Variants in AGPAT4 observed in about 807,000 individuals in gnomAD.
AGPAT4 encodes 1-acylglycerol-3-phosphate O-acyltransferase 4, also known as 1-acyl-sn-glycerol-3-phosphate acyltransferase delta.
In AGPAT4, 15 loss-of-function variants were observed where a neutral mutation model predicts 48.0. The ratio of observed to expected loss-of-function variants is 0.31; its 90% CI spans 0.21 to 0.48. The LOEUF is 0.48. Ranked by LOEUF, AGPAT4 falls within the 20% of genes least tolerant of loss-of-function variation. The probability of loss-of-function intolerance (pLI) is 0.99; values close to 1 mark genes in which losing one functional copy is unlikely to be tolerated. For synonymous variants in AGPAT4, 178 were observed against 198.7 expected (o/e 0.90, Z 0.88); for missense variants, 314 against 482.5 (o/e 0.65, Z 3.27).
rs1252597046 is a variant in AGPAT4, at chr6:161,201,558, T to C, written c.178+30478A>G. ...CGATGTCCCAGGAACTCTCCTGCAA[T>C]ACAGAGCCTCTGTCTTCTTCAGCAG... On this transcript the variant is annotated intron_variant, in intron 2 of 8. Coordinates refer to ENST00000320285, the MANE Select transcript of AGPAT4 (RefSeq NM_020133.3). The surrounding 1 kb of genome is among the most constrained non-coding windows in gnomAD (Gnocchi z 6.0). Among the ~76,000 whole-genome samples, 2 of 152,224 alleles carry C rather than the reference T, an allele frequency of 1.3e-5. No individual in the cohort carries two copies. Among genetic ancestry groups the C allele is most frequent in the Non-Finnish European group, 2.9e-5 (2 of 68,038 alleles).
At chr6:161,257,152 A>G (rs193254148) in intron 1 of AGPAT4, among the ~76,000 whole-genome samples, 11 of 152,378 alleles carry the variant, frequency 7.2e-5, no homozygotes, top group African/African-American at 2.6e-4. Flanking sequence ...TAGTAAACTT[A>G]AAATTAGATG....
chr6:161,163,172 A>G (rs1779984802), intron 3 of AGPAT4, among the ~76,000 whole-genome samples: 1 of 152,254 alleles, frequency 6.6e-6, no homozygotes, highest in African/African-American at 2.4e-5. Flanking sequence ...CTTTCCCCAA[A>G]AAGACCAATT....
intron 4 of AGPAT4, 153 bp downstream of exon 4, chr6:161,153,996 C>T: frequency 9.9e-7 from 1 of 1,010,600 alleles, no homozygotes; most frequent in Non-Finnish European, 1.5e-6. Context: ...TGGTCACATA[C>T]ATCCCTGAGG....
Position 161,217,434 on chromosome 6 carries a change from A to G in AGPAT4, c.178+14602T>C, listed in dbSNP as rs567468471. Among the ~76,000 whole-genome samples, 262 of 152,320 alleles carry G rather than the reference A, an allele frequency of 1.7e-3. 3 individuals are homozygous for G. Among genetic ancestry groups the G allele is most frequent in the Middle Eastern group, 3.4e-3 (1 of 294 alleles). ...GGCTGTGGTGGAGACCTGTGTTAAC[A>G]GCCTGTCACAACGTTGCAGGCGATA... On this transcript the variant is annotated intron_variant, in intron 2 of 8. Transcript: ENST00000320285. The surrounding 1 kb of genome is among the most constrained non-coding windows in gnomAD (Gnocchi z 4.9).
chr6:161,170,914 T>C (rs1169684656), intron 2 of AGPAT4, among the ~76,000 whole-genome samples: 2 of 152,238 alleles, frequency 1.3e-5, no homozygotes, highest in East Asian at 1.9e-4. Context: ...CTGCAGATCT[T>C]GGAATTGCTC....
At position 161,201,202 on chromosome 6, in the gene AGPAT4, G is replaced by C. The variant is rs1562335812; in HGVS notation, c.178+30834C>G. Among the ~76,000 whole-genome samples the C allele has an allele frequency of 6.6e-6, 1 of 152,152 alleles. No individual in the cohort carries two copies. Among genetic ancestry groups the C allele is most frequent in the Non-Finnish European group, 1.5e-5 (1 of 68,030 alleles). The stretch of plus-strand genomic sequence containing the variant: ...GGCAGGGGAGTGGGGATTGGAGGCT[G>C]TTCAAGAGAGACTTAATTCTGTACC... On this transcript the variant is annotated intron_variant, in intron 2 of 8. Transcript: ENST00000320285. This position sits in a 1 kb window ranked among gnomAD's most constrained non-coding sequence, Gnocchi z 6.0.
chr6:161,139,630 A>G lies in AGPAT4; in HGVS notation c.844-10T>C. 6.3e-7 allele frequency: 1 copy of G among 1,590,330 alleles called. No homozygotes were observed. The highest frequency in any genetic ancestry group is 8.6e-7 in the Non-Finnish European group (1 of 1,163,832). On this transcript the variant is annotated splice_polypyrimidine_tract_variant and intron_variant, in intron 7 of 8. Coordinates refer to ENST00000320285, the MANE Select transcript of AGPAT4 (RefSeq NM_020133.3). This position sits in a 1 kb window ranked among gnomAD's most constrained non-coding sequence, Gnocchi z 9.1. ...CCTCCTGAAAGGCATCCTGGGGGAC[A>G]GGAAAGAGGACCCTCAGACGCCACA...
intron 2 of AGPAT4, among the ~76,000 whole-genome samples, chr6:161,190,950 A>T (rs1167765808): frequency 1.3e-5 from 2 of 152,168 alleles, no homozygotes; most frequent in African/African-American, 4.8e-5. Context: ...AGAGGAAAAA[A>T]GTTTTTTCCA....
At position 161,220,600 on chromosome 6, in the gene AGPAT4, C is replaced by T. The variant is rs1387887378; in HGVS notation, c.178+11436G>A. 1.3e-5 allele frequency among the ~76,000 whole-genome samples: 2 copies of T among 152,148 alleles called. No individual in the cohort carries two copies. The highest frequency in any genetic ancestry group is 4.8e-5 in the African/African-American group (2 of 41,426). Reference sequence around the variant, plus strand: ...CCAAACAAAGACGCTGCCAGTAAGACAGAACCGAATATTGCAAAATGGGTA... The same window carrying T: ...CCAAACAAAGACGCTGCCAGTAAGATAGAACCGAATATTGCAAAATGGGTA... On this transcript the variant is annotated intron_variant, in intron 2 of 8. Coordinates refer to ENST00000320285, the MANE Select transcript of AGPAT4 (RefSeq NM_020133.3). This position sits in a 1 kb window ranked among gnomAD's most constrained non-coding sequence, Gnocchi z 6.0.
chr6:161,203,948 T>G (rs1346391647), intron 2 of AGPAT4, among the ~76,000 whole-genome samples: 1 of 152,190 alleles, frequency 6.6e-6, no homozygotes, highest in East Asian at 1.9e-4. Flanking sequence ...CTCTTTATGA[T>G]GCTACACAGA....
rs1468513056 is a variant in AGPAT4, at chr6:161,140,440, C to G, written c.844-820G>C. Among the ~76,000 whole-genome samples the G allele has an allele frequency of 1.3e-5, 2 of 152,244 alleles. No individual in the cohort carries two copies. Among genetic ancestry groups the G allele is most frequent in the Non-Finnish European group, 2.9e-5 (2 of 68,032 alleles). ...AGCTTGCAGGGCAGTTACTCCAGAG[C>G]CTCATGGCGCTCCTTGCAGTCCCTG... is the stretch of plus-strand genomic sequence containing the variant. On this transcript the variant is annotated intron_variant, in intron 7 of 8. Transcript: ENST00000320285. The surrounding 1 kb of genome is among the most constrained non-coding windows in gnomAD (Gnocchi z 6.5).
At chr6:161,252,327 A>G (rs950079828) in intron 1 of AGPAT4, among the ~76,000 whole-genome samples, 9 of 152,066 alleles carry the variant, frequency 5.9e-5, no homozygotes, top group African/African-American at 1.9e-4. Flanking sequence ...GAATTCCCAA[A>G]CTTTGGGGAA....
In AGPAT4 at chr6:161,148,921, A is replaced by G. The variant is rs1779513381; in HGVS notation, c.767+266T>C. ...ATATTCTCTTCACACCAACACCAAA[A>G]TAATTATAAAATACAGCCTTCCATT... On this transcript the variant is annotated intron_variant, in intron 6 of 8. Transcript: ENST00000320285. The surrounding 1 kb of genome is among the most constrained non-coding windows in gnomAD (Gnocchi z 5.5). Among the ~76,000 whole-genome samples the G allele has an allele frequency of 6.6e-6, 1 of 152,226 alleles. No homozygotes were observed. The highest frequency in any genetic ancestry group is 2.4e-5 in the African/African-American group (1 of 41,462).
At chr6:161,252,926 G>C (rs930653342) in intron 1 of AGPAT4, among the ~76,000 whole-genome samples, 1 of 152,078 alleles carries the variant, frequency 6.6e-6, no homozygotes, top group African/African-American at 2.4e-5. Flanking sequence ...CTACAAAAAT[G>C]TATATGAGTC....
rs1047950868 is a variant in AGPAT4 at position 161,212,466 on chromosome 6, C to T, written c.178+19570G>A. On this transcript the variant is annotated intron_variant, in intron 2 of 8. Coordinates refer to ENST00000320285, the MANE Select transcript of AGPAT4 (RefSeq NM_020133.3). This position sits in a 1 kb window ranked among gnomAD's most constrained non-coding sequence, Gnocchi z 6.1. ...TTTAAGACATTAGATTCCCTAAAGT[C>T]CAAAAGTGACATAATTTGGCTTATC... is the stretch of plus-strand genomic sequence containing the variant. 6.6e-6 allele frequency among the ~76,000 whole-genome samples: 1 copy of T among 152,044 alleles called. No homozygotes were observed. Among genetic ancestry groups the T allele is most frequent in the African/African-American group, 2.4e-5 (1 of 41,406 alleles).
At chr6:161,248,425 T>C (rs1401518351) in intron 1 of AGPAT4, among the ~76,000 whole-genome samples, 2 of 151,702 alleles carry the variant, frequency 1.3e-5, no homozygotes, top group African/African-American at 4.8e-5. Context: ...ATACAAAAAA[T>C]TAGCCGGGCA....
chr6:161,248,594 A>AAAAAAAAAAAAAAAAAAAAAAAAAAC (rs59741511), intron 1 of AGPAT4, among the ~76,000 whole-genome samples: 1 of 138,554 alleles, frequency 7.2e-6, no homozygotes, highest in African/African-American at 2.9e-5. Flanking sequence ...AAAAAAAAAA[A>AAAAAAAAAAAAAAAAAAAAAAAAAAC]CTAGGAATAC....
rs1779917920 is a variant in AGPAT4, at chr6:161,161,090, G to A, written c.348+5158C>T. On this transcript the variant is annotated intron_variant, in intron 3 of 8. Transcript: ENST00000320285. This position sits in a 1 kb window ranked among gnomAD's most constrained non-coding sequence, Gnocchi z 4.6. ...CAGACAGCACAGGCTGTGACCGTTT[G>A]CTGAGGGCTGCGCACAGAGGAGGAG... is the stretch of plus-strand genomic sequence containing the variant. The A allele has an allele frequency of 2.2e-6, 1 of 456,616 alleles. No individual in the cohort carries two copies. Among genetic ancestry groups the A allele is most frequent in the African/African-American group, 2.0e-5 (1 of 50,072 alleles). The allele number at this position is 456,616 out of a possible 1,614,324, so 28.3% of individuals were successfully genotyped here.
intron 2 of AGPAT4, among the ~76,000 whole-genome samples, chr6:161,192,128 G>C (rs1465077775): frequency 9.8e-6 from 1 of 101,912 alleles, no homozygotes; most frequent in African/African-American, 3.7e-5. Flanking sequence ...CCCTCTACTA[G>C]TTTAGAAGTT....
Sources: allele counts gnomAD v4.1 joint callset (sites outside exome capture counted in the v4.1 genomes callset), GRCh38; gene constraint gnomAD v4.1.1; non-coding constraint Gnocchi (gnomAD v3.1); transcripts MANE v1.5; gene names NCBI Gene and HGNC (gene_info 2026-07-23, HGNC 2026-07-21).